Variants in CARNMT1 observed in about 807,000 individuals in gnomAD.
CARNMT1 encodes carnosine N-methyltransferase 1.
A neutral mutation model predicts 49.6 loss-of-function variants in CARNMT1; 28 were observed. That is an observed-to-expected ratio of 0.56 (90% CI 0.42 to 0.77). The LOEUF (loss-of-function observed/expected upper bound fraction) is 0.77. CARNMT1 is among the 30% of genes least tolerant of loss of function. The pLI is 0.00. For synonymous variants in CARNMT1, 178 were observed against 175.0 expected (o/e 1.02, Z -0.13); for missense variants, 421 against 512.6 (o/e 0.82, Z 1.73).
intron 1 of CARNMT1, among the ~76,000 whole-genome samples, chr9:75,024,081 C>A (rs1822453917): frequency 6.6e-6 from 1 of 152,140 alleles, no homozygotes; most frequent in Non-Finnish European, 1.5e-5. Context: ...GATTTAGTCA[C>A]CTGTCATCAG....
Position 74,981,462 on chromosome 9 carries a change from A to G in CARNMT1, c.*2305T>C, listed in dbSNP as rs1266404882. ...AAATACAAAGCTAAATAAATCCTCC[A>G]GTGATACTTCTATTATTGATTGATA... On this transcript the variant is annotated 3_prime_UTR_variant, in exon 8 of 8. Coordinates refer to ENST00000376834, the MANE Select transcript of CARNMT1 (RefSeq NM_152420.3). 6.6e-6 allele frequency: 1 copy of G among 152,164 alleles called. No homozygotes were observed. The allele number at this position is 152,164 out of a possible 1,614,324, so 9.4% of individuals were successfully genotyped here.
Position 74,996,437 on chromosome 9 carries a change from A to G in CARNMT1, c.1024+10T>C. 6.7e-7 allele frequency: 1 copy of G among 1,487,420 alleles called. No homozygotes were observed. Among genetic ancestry groups the G allele is most frequent in the Non-Finnish European group, 9.2e-7 (1 of 1,081,554 alleles). 92.1% of individuals were successfully genotyped at this position (1,487,420 alleles called of 1,614,324 possible). On this transcript the variant is annotated intron_variant, in intron 6 of 7. Coordinates refer to ENST00000376834, the MANE Select transcript of CARNMT1 (RefSeq NM_152420.3). ...ATATACAAAATTTTAGTAAATACTA[A>G]AAAACTTACCTAGATTTATCCAAAT... is the stretch of plus-strand genomic sequence containing the variant.
rs1832785411 is a variant in CARNMT1, at chr9:74,984,915, T to G, written c.1120A>C (p.Lys374Gln). Residue 374 changes from lysine (K) to glutamine (Q), a missense_variant, in exon 7 of 8, where the codon AAG (lysine) becomes CAG (glutamine). Transcript: ENST00000376834. ...IKNVVLQYGF[K>Q]VEVEKESVLS... Reference sequence around the variant, plus strand: ...TTTTATTCCATTCTTACCTCTACCTTGAATCCATACTGCAGAACAACGTTT... The same window carrying G: ...TTTTATTCCATTCTTACCTCTACCTGGAATCCATACTGCAGAACAACGTTT... The G allele has an allele frequency of 6.2e-7, 1 of 1,610,224 alleles. No individual in the cohort carries two copies. The highest frequency in any genetic ancestry group is 1.1e-5 in the South Asian group (1 of 91,020).
At chr9:74,999,970 G>C in intron 3 of CARNMT1, 100 bp from the exon 4 acceptor site, 1 of 1,088,532 alleles carries the variant, frequency 9.2e-7, no homozygotes, top group African/African-American at 1.6e-5. Context: ...TACTCAATAA[G>C]AATAAGCTAA....
At chr9:75,002,743 T>C (rs1833399018) in intron 3 of CARNMT1, among the ~76,000 whole-genome samples, 1 of 152,070 alleles carries the variant, frequency 6.6e-6, no homozygotes, top group African/African-American at 2.4e-5. Context: ...TAGTATTGAA[T>C]TTCTTTTTTT....
upstream of CARNMT1, chr9:75,028,407 C>T (rs1026785906): frequency 2.2e-5 from 29 of 1,290,102 alleles, no homozygotes; most frequent in African/African-American, 4.2e-4. Flanking sequence ...TGGGCTCCGC[C>T]AGGTCTTCAG....
intron 1 of CARNMT1, among the ~76,000 whole-genome samples, chr9:75,023,380 G>T (rs2118875671): frequency 6.6e-6 from 1 of 152,274 alleles, no homozygotes; most frequent in South Asian, 2.1e-4. Flanking sequence ...ATTCCCACGG[G>T]TGCCACTTTT....
intron 6 of CARNMT1, 80 bp from the exon 7 acceptor site, chr9:74,985,090 A>G (rs1374467424): frequency 1.9e-6 from 2 of 1,059,428 alleles, no homozygotes; most frequent in East Asian, 4.8e-5. Flanking sequence ...CAAGTTGAGT[A>G]AGTTAGGTAC....
intron 1 of CARNMT1, among the ~76,000 whole-genome samples, chr9:75,021,423 G>C (rs947593472): frequency 6.9e-5 from 10 of 144,236 alleles, no homozygotes; most frequent in African/African-American, 2.5e-4. Context: ...ACTATATATA[G>C]TATAAATAGT....
intron 1 of CARNMT1, among the ~76,000 whole-genome samples, chr9:75,024,388 T>C (rs1186943950): frequency 2.0e-5 from 3 of 152,332 alleles, no homozygotes; most frequent in Admixed American, 1.3e-4. Flanking sequence ...TTTGTGTCTA[T>C]CCACATCCTC....
chr9:75,008,512 T>C (rs1833588586), intron 3 of CARNMT1, among the ~76,000 whole-genome samples: 1 of 152,100 alleles, frequency 6.6e-6, no homozygotes, highest in Non-Finnish European at 1.5e-5. Flanking sequence ...TTGTATTTGT[T>C]GGCCAGGCTG....
chr9:75,004,253 C>T (rs1168981753), intron 3 of CARNMT1, among the ~76,000 whole-genome samples: 2 of 152,240 alleles, frequency 1.3e-5, no homozygotes, highest in African/African-American at 2.4e-5. Flanking sequence ...CCACCAGCAA[C>T]ATATTTATGT....
At chr9:75,009,144 A>G (rs1833610679) in intron 3 of CARNMT1, among the ~76,000 whole-genome samples, 1 of 150,722 alleles carries the variant, frequency 6.6e-6, no homozygotes, top group South Asian at 2.1e-4. Flanking sequence ...TTATTACCTT[A>G]CCCACATATA....
intron 3 of CARNMT1, among the ~76,000 whole-genome samples, chr9:75,008,979 T>C (rs930052170): frequency 3.7e-4 from 55 of 149,946 alleles, no homozygotes; most frequent in Middle Eastern, 3.5e-3. Flanking sequence ...AAACAGAATA[T>C]AGAGTCCAGA....
rs182200750 is a variant in CARNMT1 at position 75,011,567 on chromosome 9, T to C, written c.590+4701A>G. On this transcript the variant is annotated intron_variant, in intron 3 of 7. Coordinates refer to ENST00000376834, the MANE Select transcript of CARNMT1 (RefSeq NM_152420.3). ...ATTTTTAGTAGAGATGAGGTCTCAC[T>C]ACATTGCCCAAGTTGGTCTTGAATT... 1.4e-3 allele frequency among the ~76,000 whole-genome samples: 216 copies of C among 152,298 alleles called. 4 individuals carry two copies. The highest frequency in any genetic ancestry group is 0.013 in the Admixed American group (200 of 15,302).
At chr9:75,027,021 C>T (rs1822548911) in intron 1 of CARNMT1, 1 of 1,213,802 alleles carries the variant, frequency 8.2e-7, no homozygotes, top group African/African-American at 1.6e-5. Flanking sequence ...GCATAAAGCA[C>T]AGCAGGAACC....
At chr9:75,010,716 T>C (rs1232238053) in intron 3 of CARNMT1, among the ~76,000 whole-genome samples, 2 of 152,076 alleles carry the variant, frequency 1.3e-5, no homozygotes, top group African/African-American at 2.4e-5. Context: ...CCCAAGACAT[T>C]AGCAAATCTT....
At chr9:75,020,488 G>T (rs1373031608) in intron 1 of CARNMT1, among the ~76,000 whole-genome samples, 1 of 151,876 alleles carries the variant, frequency 6.6e-6, no homozygotes, top group East Asian at 1.9e-4. Context: ...GGATGGTCTC[G>T]ATCTCTTGAC....
chr9:74,993,829 C>T lies in CARNMT1; in HGVS notation c.1024+2618G>A, dbSNP rs148133177. Among the ~76,000 whole-genome samples the T allele has an allele frequency of 1.7e-3, 262 of 152,162 alleles. 7 individuals are homozygous for T. The South Asian group carries it at 0.027, about 16-fold the overall frequency. ...CCAGCCCAAATGTCAAAACCACAAT[C>T]GAGAAACCCTGGAATAGAAGGATAT... On this transcript the variant is annotated intron_variant, in intron 6 of 7. Coordinates refer to ENST00000376834, the MANE Select transcript of CARNMT1 (RefSeq NM_152420.3).
Sources: allele counts gnomAD v4.1 joint callset (sites outside exome capture counted in the v4.1 genomes callset), GRCh38; gene constraint gnomAD v4.1.1; transcripts MANE v1.5; gene names NCBI Gene and HGNC (gene_info 2026-07-23, HGNC 2026-07-21).